The following SORCS2 variants were observed in gnomAD, a reference collection of about 807,000 sequenced individuals.
The protein encoded by SORCS2 is sortilin related VPS10 domain containing receptor 2, also known as VPS10 domain-containing receptor SorCS2.
SORCS2 carries 100 observed loss-of-function variants against 141.6 expected under a neutral mutation model. The observed-to-expected ratio is 0.71, with a 90% confidence interval of 0.60 to 0.83. The LOEUF is 0.83. Among genes scored for constraint, SORCS2 ranks in the 40% least tolerant of loss-of-function variants. The pLI is 0.00. For missense variants in SORCS2, 1,646 were observed against 1,560.2 expected (o/e 1.05, Z -0.93); for synonymous variants, 789 against 676.9 (o/e 1.17, Z -2.57).
intron 1 of SORCS2, among the ~76,000 whole-genome samples, chr4:7,277,856 G>C (rs894825177): frequency 6.6e-6 from 1 of 152,172 alleles, no homozygotes; most frequent in Non-Finnish European, 1.5e-5. Context: ...CCTGATGGTG[G>C]CTAGGAGTGC....
intron 3 of SORCS2, among the ~76,000 whole-genome samples, chr4:7,602,210 G>A (rs879720412): frequency 1.3e-5 from 2 of 152,004 alleles, no homozygotes; most frequent in African/African-American, 2.4e-5. Context: ...GGTGGCTGCC[G>A]GGCAGAGGGG....
At position 7,547,131 on chromosome 4, in the gene SORCS2, G is replaced by A. The variant is rs568508167; in HGVS notation, c.648+15502G>A. ...GGGCTTCTCCAGGCATTTATCACAT[G>A]AACAGTGCCACATCTACATGGGGAC... On this transcript the variant is annotated intron_variant, in intron 3 of 26. Transcript: ENST00000507866. Among the ~76,000 whole-genome samples the A allele has an allele frequency of 9.9e-5, 15 of 152,268 alleles. No individual in the cohort carries two copies. The South Asian group carries it at 3.1e-3, about 32-fold the overall frequency.
chr4:7,193,450 T>C lies in SORCS2; in HGVS notation c.480+324T>C, dbSNP rs543836902. On this transcript the variant is annotated intron_variant, in intron 1 of 26. Transcript: ENST00000507866. This position sits in a 1 kb window ranked among gnomAD's most constrained non-coding sequence, Gnocchi z 4.8. Reference sequence around the variant, plus strand: ...GAGGACCCCAGAACCTTCGGAAGCCTGCAGGTCCTTGAGGGTACCCCAGCT... The same window carrying C: ...GAGGACCCCAGAACCTTCGGAAGCCCGCAGGTCCTTGAGGGTACCCCAGCT... Among the ~76,000 whole-genome samples the C allele has an allele frequency of 1.5e-4, 23 of 151,198 alleles. No homozygotes were observed. Among genetic ancestry groups the C allele is most frequent in the Non-Finnish European group, 2.8e-4 (19 of 67,990 alleles).
intron 2 of SORCS2, among the ~76,000 whole-genome samples, chr4:7,403,864 C>T (rs1159834258): frequency 6.7e-6 from 1 of 148,802 alleles, no homozygotes; most frequent in Non-Finnish European, 1.5e-5. Context: ...GAATAATGTA[C>T]ACTGTATGCA....
chr4:7,321,687 G>T (rs887978664), intron 1 of SORCS2, among the ~76,000 whole-genome samples: 5 of 152,236 alleles, frequency 3.3e-5, no homozygotes, highest in African/African-American at 1.2e-4. Flanking sequence ...GGGCTGGGCT[G>T]GGTGAGGAGG....
At chr4:7,245,029 C>T (rs1451716964) in intron 1 of SORCS2, among the ~76,000 whole-genome samples, 1 of 152,168 alleles carries the variant, frequency 6.6e-6, no homozygotes, top group African/African-American at 2.4e-5. Context: ...TACCTGGGCC[C>T]AGTGAGCTCA....
Position 7,716,260 on chromosome 4 carries a change from C to T in SORCS2, c.2252+949C>T, listed in dbSNP as rs1726179171. 5.9e-5 allele frequency among the ~76,000 whole-genome samples: 9 copies of T among 152,310 alleles called. No individual in the cohort carries two copies. The South Asian group carries it at 1.9e-3, about 32-fold the overall frequency. On this transcript the variant is annotated intron_variant, in intron 17 of 26. Coordinates refer to ENST00000507866, the MANE Select transcript of SORCS2 (RefSeq NM_020777.3). Reference sequence around the variant, plus strand: ...CTTCCCCTGAGGGAACTTGAGGAAACAGGAGGCAGGACCAGAAATTGCAGG... The same window carrying T: ...CTTCCCCTGAGGGAACTTGAGGAAATAGGAGGCAGGACCAGAAATTGCAGG...
chr4:7,542,099 T>G (rs1327500688), intron 3 of SORCS2, among the ~76,000 whole-genome samples: 1 of 152,204 alleles, frequency 6.6e-6, no homozygotes, highest in Non-Finnish European at 1.5e-5. Flanking sequence ...GAGCTTTGCC[T>G]GCTTCAGCCA....
intron 2 of SORCS2, among the ~76,000 whole-genome samples, chr4:7,493,001 A>C (rs1731403797): frequency 6.6e-6 from 1 of 152,242 alleles, no homozygotes; most frequent in African/African-American, 2.4e-5. Context: ...AGTCTAAATG[A>C]TGCTCCTCAG....
chr4:7,465,804 C>A (rs887868070), intron 2 of SORCS2, among the ~76,000 whole-genome samples: 1 of 152,218 alleles, frequency 6.6e-6, no homozygotes, highest in African/African-American at 2.4e-5. Flanking sequence ...AAAGGCATGG[C>A]TTATTAGCCG....
At position 7,450,881 on chromosome 4, in the gene SORCS2, T is replaced by C. The variant is rs1054435933; in HGVS notation, c.548+54526T>C. Among the ~76,000 whole-genome samples, 5 of 151,874 alleles carry C rather than the reference T, an allele frequency of 3.3e-5. No homozygotes were observed. The East Asian group carries it at 9.7e-4, about 29-fold the overall frequency. ...GAGAGTGAGTGAACGCATGAGTGACTGAGTGGGTGAATGAGTGAGGGAGTG... is the reference window on the plus strand; with the variant it reads ...GAGAGTGAGTGAACGCATGAGTGACCGAGTGGGTGAATGAGTGAGGGAGTG... On this transcript the variant is annotated intron_variant, in intron 2 of 26. Transcript: ENST00000507866.
In SORCS2 at chr4:7,680,195, C is replaced by T. The variant is rs532069180; in HGVS notation, c.1342-2548C>T. 3.3e-5 allele frequency among the ~76,000 whole-genome samples: 5 copies of T among 152,350 alleles called. No homozygotes were observed. In the East Asian group the frequency reaches 5.8e-4, roughly 18 times the overall value. On this transcript the variant is annotated intron_variant, in intron 9 of 26. Coordinates refer to ENST00000507866, the MANE Select transcript of SORCS2 (RefSeq NM_020777.3). ...GATGTGCAGCCATTTGCTGGGTGTG[C>T]GGCTTGTCCGAAGTCTAGCACAGAG...
chr4:7,501,079 CTA>C (rs1324996745), intron 2 of SORCS2, among the ~76,000 whole-genome samples: 16 of 152,308 alleles, frequency 1.1e-4, no homozygotes, highest in Middle Eastern at 6.8e-3. Flanking sequence ...GAAAAAGCAC[CTA>C]TGTTTTTCTC....
chr4:7,729,291 G>A (rs1727437136), intron 22 of SORCS2, among the ~76,000 whole-genome samples: 1 of 152,134 alleles, frequency 6.6e-6, no homozygotes, highest in Non-Finnish European at 1.5e-5. Flanking sequence ...AGGTGCTGGT[G>A]CTCACTCTAG....
chr4:7,607,523 A>C (rs149710690), intron 3 of SORCS2, among the ~76,000 whole-genome samples: 1 of 152,278 alleles, frequency 6.6e-6, no homozygotes, highest in African/African-American at 2.4e-5. Context: ...TGTTACAGCG[A>C]TGGCCCATCT....
intron 1 of SORCS2, among the ~76,000 whole-genome samples, chr4:7,318,713 C>CT (rs1278970424): frequency 3.3e-5 from 5 of 152,192 alleles, no homozygotes; most frequent in Non-Finnish European, 7.3e-5. Flanking sequence ...CCTGACCATT[C>CT]TTTTTTCCCT....
intron 2 of SORCS2, among the ~76,000 whole-genome samples, chr4:7,514,482 T>G (rs1452105172): frequency 6.6e-6 from 1 of 151,358 alleles, no homozygotes; most frequent in African/African-American, 2.4e-5. Context: ...GGTAGCGATA[T>G]GTGCTATGAA....
intron 3 of SORCS2, among the ~76,000 whole-genome samples, chr4:7,544,940 A>G (rs961213563): frequency 6.6e-6 from 1 of 152,202 alleles, no homozygotes; most frequent in Non-Finnish European, 1.5e-5. Context: ...TAAATGGGCC[A>G]TCCCTTCCAA....
At chr4:7,297,324 G>T (rs1560172880) in intron 1 of SORCS2, among the ~76,000 whole-genome samples, 1 of 152,158 alleles carries the variant, frequency 6.6e-6, no homozygotes, top group Non-Finnish European at 1.5e-5. Flanking sequence ...GAAGAGCCAC[G>T]CCCCCTTCTG....
Sources: allele counts gnomAD v4.1 joint callset (sites outside exome capture counted in the v4.1 genomes callset), GRCh38; gene constraint gnomAD v4.1.1; non-coding constraint Gnocchi (gnomAD v3.1); transcripts MANE v1.5; gene names NCBI Gene and HGNC (gene_info 2026-07-23, HGNC 2026-07-21).